Variants in ANKS1B observed in about 807,000 individuals in gnomAD.
The protein encoded by ANKS1B is ankyrin repeat and sterile alpha motif domain containing 1B, also known as ankyrin repeat and sterile alpha motif domain-containing protein 1B.
In ANKS1B, 36 loss-of-function variants were observed where a neutral mutation model predicts 148.3. The observed-to-expected ratio is 0.24, with a 90% confidence interval of 0.19 to 0.32. The LOEUF is 0.32. ANKS1B is among the 10% of genes least tolerant of loss of function. The probability of loss-of-function intolerance (pLI) is 1.00; values close to 1 mark genes in which losing one functional copy is unlikely to be tolerated. For missense variants in ANKS1B, 1,157 were observed against 1,542.6 expected (o/e 0.75, Z 4.19); for synonymous variants, 542 against 560.8 (o/e 0.97, Z 0.47).
intron 10 of ANKS1B, among the ~76,000 whole-genome samples, chr12:99,490,937 T>C (rs1052281175): frequency 1.3e-5 from 2 of 152,214 alleles, no homozygotes; most frequent in African/African-American, 4.8e-5. Context: ...TTCTACAAGA[T>C]TATATTTTCA....
At chr12:99,814,106 C>T (rs564258875) in intron 2 of ANKS1B, among the ~76,000 whole-genome samples, 21 of 151,688 alleles carry the variant, frequency 1.4e-4, no homozygotes, top group African/African-American at 4.8e-4. Context: ...TCGGGAGCAA[C>T]GGGTCATACC....
intron 17 of ANKS1B, chr12:98,895,009 G>C (rs1306419936): frequency 1.2e-6 from 1 of 821,684 alleles, no homozygotes; most frequent in Non-Finnish European, 1.5e-6. Flanking sequence ...CGGCGGCGGC[G>C]CGTCCTCCCC....
chr12:99,447,026 A>G (rs60319364), intron 10 of ANKS1B, among the ~76,000 whole-genome samples: 13,259 of 152,018 alleles, frequency 0.087, 875 homozygotes, highest in East Asian at 0.2. Flanking sequence ...GCAACCTTGA[A>G]CAAAAAGAAA....
intron 1 of ANKS1B, among the ~76,000 whole-genome samples, chr12:99,982,838 T>A (rs1042279473): frequency 6.6e-6 from 1 of 152,232 alleles, no homozygotes; most frequent in African/African-American, 2.4e-5. Flanking sequence ...TAGAATAACA[T>A]ATGGGGCTTT....
intron 16 of ANKS1B, among the ~76,000 whole-genome samples, chr12:99,058,659 G>A (rs2041155324): frequency 6.8e-6 from 1 of 147,790 alleles, no homozygotes; most frequent in Admixed American, 6.7e-5. Context: ...CTTCGCTCAT[G>A]CCATTCCCTC....
At position 98,745,146 on chromosome 12, in the gene ANKS1B, T is replaced by C. The variant is rs1440130393; in HGVS notation, c.*593A>G. The C allele has an allele frequency of 2.6e-5, 26 of 985,738 alleles. No individual in the cohort carries two copies. The highest frequency in any genetic ancestry group is 2.3e-5 in the Non-Finnish European group (19 of 829,938). The allele number at this position is 985,738 out of a possible 1,614,324, so 61.1% of individuals were successfully genotyped here. A position where few individuals can be genotyped will look rare whatever the true frequency, so the allele number is the denominator to read the frequency against. ...ATTTGGTTGAAAGGTTTTCTTTCTC[T>C]GACATAGGTGATTACATATAAAATC... On this transcript the variant is annotated 3_prime_UTR_variant, in exon 27 of 27. Transcript: ENST00000683438.
intron 17 of ANKS1B, among the ~76,000 whole-genome samples, chr12:99,028,138 T>A (rs77484049): frequency 0.022 from 3,360 of 152,288 alleles, 117 homozygotes; most frequent in African/African-American, 0.076. Flanking sequence ...AAATATTTTT[T>A]AAAAAATTAA....
chr12:99,327,508 T>G (rs2086710454), intron 12 of ANKS1B, among the ~76,000 whole-genome samples: 1 of 142,888 alleles, frequency 7.0e-6, no homozygotes, highest in Non-Finnish European at 1.5e-5. Flanking sequence ...AAATCTAGGT[T>G]TGTATACATA....
At chr12:99,960,291 C>T (rs982031750) in intron 1 of ANKS1B, among the ~76,000 whole-genome samples, 7 of 152,184 alleles carry the variant, frequency 4.6e-5, no homozygotes, top group East Asian at 1.9e-4. Flanking sequence ...ACCATCTATG[C>T]GAGGTAAGGT....
intron 19 of ANKS1B, among the ~76,000 whole-genome samples, chr12:98,828,875 A>C (rs1377637769): frequency 1.3e-5 from 2 of 152,186 alleles, no homozygotes; most frequent in Non-Finnish European, 2.9e-5. Flanking sequence ...ACTCATTTTC[A>C]TTATGATTTG....
At chr12:99,334,538 T>C (rs758686011) in intron 12 of ANKS1B, among the ~76,000 whole-genome samples, 3 of 152,054 alleles carry the variant, frequency 2.0e-5, no homozygotes, top group Non-Finnish European at 4.4e-5. Flanking sequence ...CATAAAAATA[T>C]ACCATACACA....
intron 12 of ANKS1B, among the ~76,000 whole-genome samples, chr12:99,293,917 T>C (rs572412956): frequency 6.6e-6 from 1 of 152,290 alleles, no homozygotes; most frequent in East Asian, 1.9e-4. Context: ...AGCGAGTATG[T>C]GAAAAGATAC....
chr12:99,645,142 C>G (rs969175831), intron 9 of ANKS1B, among the ~76,000 whole-genome samples: 4 of 152,150 alleles, frequency 2.6e-5, no homozygotes, highest in African/African-American at 9.7e-5. Flanking sequence ...CAGCCATGTT[C>G]ATTATTAACT....
chr12:99,269,225 T>C (rs559496288), intron 12 of ANKS1B, among the ~76,000 whole-genome samples: 51 of 152,360 alleles, frequency 3.3e-4, no homozygotes, highest in African/African-American at 1.2e-3. Flanking sequence ...CTATGCAGTT[T>C]TCGTTTTATA....
intron 1 of ANKS1B, among the ~76,000 whole-genome samples, chr12:99,854,264 G>A (rs1305570960): frequency 3.3e-5 from 5 of 152,034 alleles, no homozygotes; most frequent in Admixed American, 6.5e-5. Context: ...CACCCATCTC[G>A]GCCTCCCAAA....
chr12:99,326,084 G>T (rs947325220), intron 12 of ANKS1B, among the ~76,000 whole-genome samples: 1 of 151,964 alleles, frequency 6.6e-6, no homozygotes. Flanking sequence ...TCACTATCAC[G>T]AGAACAGCAT....
chr12:99,564,093 C>G (rs917708455), intron 9 of ANKS1B, among the ~76,000 whole-genome samples: 9 of 152,136 alleles, frequency 5.9e-5, no homozygotes, highest in African/African-American at 1.4e-4. Flanking sequence ...TGGTCTTGCA[C>G]CATTACAAAC....
chr12:98,788,812 G>A (rs2153544385), intron 22 of ANKS1B, among the ~76,000 whole-genome samples: 1 of 152,352 alleles, frequency 6.6e-6, no homozygotes, highest in Middle Eastern at 3.4e-3. Flanking sequence ...TAAACTCGCT[G>A]TACTGCATCC....
intron 17 of ANKS1B, among the ~76,000 whole-genome samples, chr12:99,001,935 C>G (rs1272655760): frequency 6.6e-6 from 1 of 152,136 alleles, no homozygotes. Context: ...TTTCTTTTAG[C>G]ATGATGTCCT....
Sources: allele counts gnomAD v4.1 joint callset (sites outside exome capture counted in the v4.1 genomes callset), GRCh38; gene constraint gnomAD v4.1.1; transcripts MANE v1.5; gene names NCBI Gene and HGNC (gene_info 2026-07-23, HGNC 2026-07-21).